Variants in ZMAT3 observed in about 807,000 individuals in gnomAD.
The protein encoded by ZMAT3 is zinc finger matrin-type protein 3.
ZMAT3 carries 17 observed loss-of-function variants against 32.3 expected under a neutral mutation model. That is an observed-to-expected ratio of 0.53 (90% CI 0.36 to 0.79). The LOEUF is 0.79. ZMAT3 is among the 30% of genes least tolerant of loss of function. The pLI, the probability that ZMAT3 is intolerant of heterozygous loss-of-function variation, is 0.00. For missense variants in ZMAT3, 329 were observed against 359.7 expected (o/e 0.91, Z 0.69); for synonymous variants, 120 against 133.1 (o/e 0.90, Z 0.68).
chr3:179,025,509 A>G (rs556342853), intron 5 of ZMAT3, among the ~76,000 whole-genome samples: 1 of 152,362 alleles, frequency 6.6e-6, no homozygotes, highest in South Asian at 2.1e-4. Context: ...TACGCTTTTA[A>G]AAATACTTTA....
rs976179983 is a variant in ZMAT3, at chr3:179,046,548, G to A, written c.271-15549C>T. On this transcript the variant is annotated intron_variant, in intron 2 of 5. Transcript: ENST00000311417. The surrounding 1 kb of genome is among the most constrained non-coding windows in gnomAD (Gnocchi z 4.3). The stretch of plus-strand genomic sequence containing the variant: ...CGGATTGCCACTGCAGACTCCGTGG[G>A]ACAGCTGAGGAACTGAGTCGGCCTG... Among the ~76,000 whole-genome samples, 31 of 152,172 alleles carry A rather than the reference G, an allele frequency of 2.0e-4. 1 individual carries two copies. The highest frequency in any genetic ancestry group is 2.1e-4 in the South Asian group (1 of 4,826).
At chr3:179,056,667 T>C (rs1273223383) in intron 2 of ZMAT3, among the ~76,000 whole-genome samples, 1 of 152,132 alleles carries the variant, frequency 6.6e-6, no homozygotes, top group Non-Finnish European at 1.5e-5. Flanking sequence ...TGCTTGACCA[T>C]TGAGAGCCAG....
intron 2 of ZMAT3, among the ~76,000 whole-genome samples, chr3:179,060,062 C>T (rs1721071661): frequency 6.6e-6 from 1 of 151,982 alleles, no homozygotes; most frequent in Non-Finnish European, 1.5e-5. Flanking sequence ...CCCAGGCATT[C>T]GAGCCAGCAA....
At chr3:179,034,982 T>C (rs1436434010) in intron 2 of ZMAT3, among the ~76,000 whole-genome samples, 1 of 152,200 alleles carries the variant, frequency 6.6e-6, no homozygotes, top group Non-Finnish European at 1.5e-5. Flanking sequence ...AGGTAACAAC[T>C]CCTAATTGGT....
chr3:179,020,443 A>C lies in ZMAT3; in HGVS notation c.*4574T>G, dbSNP rs1718487124. On this transcript the variant is annotated 3_prime_UTR_variant, in exon 6 of 6. Coordinates refer to ENST00000311417, the MANE Select transcript of ZMAT3 (RefSeq NM_022470.4). ...GGGGTTCTCCCCTGCCAAGAAAGCA[A>C]AAACAATAACAAAACACTTTTTATC... 1 of 152,226 alleles carries C rather than the reference A, an allele frequency of 6.6e-6. No homozygotes were observed. Among genetic ancestry groups the C allele is most frequent in the African/African-American group, 2.4e-5 (1 of 41,454 alleles). The allele number at this position is 152,226 out of a possible 1,614,324, so 9.4% of individuals were successfully genotyped here.
At chr3:179,048,596 T>A (rs529422184) in intron 2 of ZMAT3, among the ~76,000 whole-genome samples, 2 of 152,282 alleles carry the variant, frequency 1.3e-5, no homozygotes, top group East Asian at 1.9e-4. Flanking sequence ...ACTGTCTTTG[T>A]CAGACAAAAA....
intron 2 of ZMAT3, among the ~76,000 whole-genome samples, chr3:179,042,302 A>G (rs536514899): frequency 3.3e-5 from 5 of 152,332 alleles, no homozygotes; most frequent in African/African-American, 1.2e-4. Context: ...TATCCCTGAT[A>G]AACATGGATG....
chr3:179,039,218 C>T (rs1167654852), intron 2 of ZMAT3, among the ~76,000 whole-genome samples: 1 of 152,240 alleles, frequency 6.6e-6, no homozygotes, highest in Non-Finnish European at 1.5e-5. Context: ...GTTCTCCCAA[C>T]ATGGTGTTTG....
chr3:179,067,418 G>C, intron 2 of ZMAT3, 65 bp downstream of exon 2: 1 of 1,552,248 alleles, frequency 6.4e-7, no homozygotes, highest in Admixed American at 1.7e-5. Context: ...AGAGACAACT[G>C]CTAAATAGCC....
At chr3:179,030,199 G>T (rs1354889437) in intron 3 of ZMAT3, among the ~76,000 whole-genome samples, 1 of 151,672 alleles carries the variant, frequency 6.6e-6, no homozygotes, top group Non-Finnish European at 1.5e-5. Context: ...CTGAATAGAG[G>T]TAAGTAATAA....
intron 1 of ZMAT3, among the ~76,000 whole-genome samples, chr3:179,069,690 G>A (rs563221886): frequency 6.6e-6 from 1 of 152,086 alleles, no homozygotes; most frequent in African/African-American, 2.4e-5. Context: ...ATTTGGGGTG[G>A]GGAGGCAACA....
At chr3:179,067,954 A>G in intron 1 of ZMAT3, 145 bp from the exon 2 acceptor site, 1 of 730,972 alleles carries the variant, frequency 1.4e-6, no homozygotes. Context: ...GGCCTCATTT[A>G]GCAGACTTCC....
At chr3:179,037,794 G>A (rs772605651) in intron 2 of ZMAT3, among the ~76,000 whole-genome samples, 3 of 152,172 alleles carry the variant, frequency 2.0e-5, no homozygotes, top group Non-Finnish European at 4.4e-5. Flanking sequence ...TACAACTCTG[G>A]CGGAAGATAA....
intron 2 of ZMAT3, among the ~76,000 whole-genome samples, chr3:179,044,230 C>T (rs1011562278): frequency 6.6e-6 from 1 of 151,992 alleles, no homozygotes; most frequent in Non-Finnish European, 1.5e-5. Flanking sequence ...AGGTATATAC[C>T]CAAAGGATTA....
chr3:179,052,563 C>CA (rs1228275266), intron 2 of ZMAT3, among the ~76,000 whole-genome samples: 3 of 152,134 alleles, frequency 2.0e-5, no homozygotes, highest in Non-Finnish European at 2.9e-5. Context: ...TAAAATAGTA[C>CA]AACCACCATG....
chr3:179,042,678 CT>C, intron 2 of ZMAT3, among the ~76,000 whole-genome samples: 1 of 152,218 alleles, frequency 6.6e-6, no homozygotes, highest in East Asian at 1.9e-4. Context: ...CAAGGATGCC[CT>C]CTCTCACCAC....
At chr3:179,066,188 G>A (rs1197668312) in intron 2 of ZMAT3, among the ~76,000 whole-genome samples, 1 of 152,088 alleles carries the variant, frequency 6.6e-6, no homozygotes, top group Non-Finnish European at 1.5e-5. Flanking sequence ...CAACTGTACT[G>A]GACAGCAAGG....
chr3:179,054,345 C>T (rs970475104), intron 2 of ZMAT3, among the ~76,000 whole-genome samples: 5 of 152,114 alleles, frequency 3.3e-5, no homozygotes, highest in Non-Finnish European at 7.3e-5. Flanking sequence ...GAAATGTTTT[C>T]GATATCATAC....
chr3:179,053,063 G>A (rs1362277654), intron 2 of ZMAT3, among the ~76,000 whole-genome samples: 2 of 152,168 alleles, frequency 1.3e-5, no homozygotes, highest in South Asian at 2.1e-4. Flanking sequence ...AGGAGGCGGA[G>A]GTTGCAGTGA....
Sources: allele counts gnomAD v4.1 joint callset (sites outside exome capture counted in the v4.1 genomes callset), GRCh38; gene constraint gnomAD v4.1.1; non-coding constraint Gnocchi (gnomAD v3.1); transcripts MANE v1.5; gene names NCBI Gene and HGNC (gene_info 2026-07-23, HGNC 2026-07-21).